Variants in ADGRB3 observed in about 807,000 individuals in gnomAD.
ADGRB3 encodes adhesion G protein-coupled receptor B3.
In ADGRB3, 37 loss-of-function variants were observed where a neutral mutation model predicts 193.4. That is an observed-to-expected ratio of 0.19 (90% CI 0.15 to 0.25). ADGRB3 has a LOEUF of 0.25. Among genes scored for constraint, ADGRB3 ranks in the 10% least tolerant of loss-of-function variants. The probability of loss-of-function intolerance (pLI) is 1.00; values close to 1 mark genes in which losing one functional copy is unlikely to be tolerated. For synonymous variants in ADGRB3, 690 were observed against 644.2 expected, an observed-to-expected ratio of 1.07 and a Z score of -1.08; for missense variants, 1,637 against 1,852.9, an observed-to-expected ratio of 0.88 and a Z score of 2.14.
At chr6:69,315,542 C>T (rs1768292599) in intron 20 of ADGRB3, among the ~76,000 whole-genome samples, 1 of 151,382 alleles carries the variant, frequency 6.6e-6, no homozygotes, top group Non-Finnish European at 1.5e-5. Context: ...TATTTTTAGT[C>T]TGCAAGAACT....
chr6:69,173,617 G>C (rs1775346379), intron 17 of ADGRB3, among the ~76,000 whole-genome samples: 2 of 151,974 alleles, frequency 1.3e-5, no homozygotes, highest in Non-Finnish European at 2.9e-5. Context: ...AAATGGAAAG[G>C]ATATTATAAT....
intron 24 of ADGRB3, among the ~76,000 whole-genome samples, chr6:69,336,341 C>CAAA (rs1768846581): frequency 6.6e-6 from 1 of 151,794 alleles, no homozygotes; most frequent in South Asian, 2.1e-4. Flanking sequence ...CTGCCTTAAA[C>CAAA]GTCTTTGTCT....
chr6:69,088,173 G>A (rs1447713445), intron 17 of ADGRB3, among the ~76,000 whole-genome samples: 2 of 151,972 alleles, frequency 1.3e-5, no homozygotes, highest in Non-Finnish European at 2.9e-5. Flanking sequence ...AATATTTACT[G>A]AATTGAAATG....
intron 20 of ADGRB3, among the ~76,000 whole-genome samples, chr6:69,324,319 C>T: frequency 6.6e-6 from 1 of 152,036 alleles, no homozygotes; most frequent in Admixed American, 6.6e-5. Flanking sequence ...TATTTTTGTA[C>T]TATGTTATTA....
Position 68,726,947 on chromosome 6 carries a change from A to T in ADGRB3, c.757+87515A>T, listed in dbSNP as rs1474486617. Reference sequence around the variant, plus strand: ...TCATTGGATAAAATCAATGTTGGAAACTAAGATCTCTTGAAGCTCCCTGAA... The same window carrying T: ...TCATTGGATAAAATCAATGTTGGAATCTAAGATCTCTTGAAGCTCCCTGAA... On this transcript the variant is annotated intron_variant, in intron 3 of 31. Transcript: ENST00000370598. Among the ~76,000 whole-genome samples, 5 of 151,632 alleles carry T rather than the reference A, an allele frequency of 3.3e-5. No individual in the cohort carries two copies. In the East Asian group the frequency reaches 7.8e-4, roughly 24 times the overall value.
intron 17 of ADGRB3, among the ~76,000 whole-genome samples, chr6:69,082,992 A>C (rs1161238337): frequency 6.6e-6 from 1 of 152,212 alleles, no homozygotes; most frequent in Non-Finnish European, 1.5e-5. Context: ...GGTTCCCTGC[A>C]TCACTCAAGT....
At chr6:69,053,687 A>C (rs1195873996) in intron 15 of ADGRB3, among the ~76,000 whole-genome samples, 2 of 152,218 alleles carry the variant, frequency 1.3e-5, no homozygotes, top group Non-Finnish European at 2.9e-5. Context: ...CCACATTCAC[A>C]TTAAGGAATT....
chr6:69,205,450 A>G (rs1765518352), intron 17 of ADGRB3, among the ~76,000 whole-genome samples: 1 of 152,060 alleles, frequency 6.6e-6, no homozygotes, highest in Non-Finnish European at 1.5e-5. Flanking sequence ...ACAAACAACA[A>G]ACAAATCAAA....
At chr6:68,688,891 CT>C (rs1230534753) in intron 3 of ADGRB3, among the ~76,000 whole-genome samples, 12 of 152,134 alleles carry the variant, frequency 7.9e-5, no homozygotes, top group African/African-American at 2.9e-4. Context: ...TTATTTAATC[CT>C]TGCATTAATG....
chr6:69,173,652 T>G (rs1353361088), intron 17 of ADGRB3, among the ~76,000 whole-genome samples: 1 of 148,974 alleles, frequency 6.7e-6, no homozygotes, highest in Non-Finnish European at 1.5e-5. Context: ...GTAGCATTGT[T>G]TTTTTTTTTT....
intron 11 of ADGRB3, among the ~76,000 whole-genome samples, chr6:68,997,995 A>G (rs1769441256): frequency 6.6e-6 from 1 of 152,198 alleles, no homozygotes; most frequent in African/African-American, 2.4e-5. Context: ...ATAGAATTGT[A>G]TGAACCCTTA....
intron 17 of ADGRB3, among the ~76,000 whole-genome samples, chr6:69,095,117 T>G (rs1429641054): frequency 6.6e-6 from 1 of 152,162 alleles, no homozygotes; most frequent in Non-Finnish European, 1.5e-5. Context: ...CCCAAGTAAT[T>G]GAATGGTCTT....
intron 17 of ADGRB3, among the ~76,000 whole-genome samples, chr6:69,191,724 G>A (rs762602740): frequency 1.6e-4 from 25 of 152,204 alleles, no homozygotes; most frequent in African/African-American, 5.8e-4. Flanking sequence ...TCTATGTGCT[G>A]AAAATACAGC....
intron 3 of ADGRB3, among the ~76,000 whole-genome samples, chr6:68,647,893 A>T (rs562507584): frequency 2.8e-4 from 43 of 152,312 alleles, no homozygotes; most frequent in African/African-American, 1.0e-3. Context: ...CTGATAAGTT[A>T]TTAGAGACCA....
At chr6:68,980,223 A>G (rs1375997061) in intron 10 of ADGRB3, among the ~76,000 whole-genome samples, 1 of 151,486 alleles carries the variant, frequency 6.6e-6, no homozygotes, top group East Asian at 1.9e-4. Flanking sequence ...TGTTGGAGTG[A>G]TTATTTAGTC....
At chr6:68,868,282 G>C (rs519237) in intron 3 of ADGRB3, among the ~76,000 whole-genome samples, 1 of 151,936 alleles carries the variant, frequency 6.6e-6, no homozygotes. Context: ...TCCCCCACTT[G>C]CTCTGTCTCT....
At chr6:68,900,768 TC>T (rs1208966996) in intron 3 of ADGRB3, among the ~76,000 whole-genome samples, 1 of 152,078 alleles carries the variant, frequency 6.6e-6, no homozygotes, top group Non-Finnish European at 1.5e-5. Flanking sequence ...GCAGCACTAG[TC>T]CCCTGGAGCA....
intron 11 of ADGRB3, among the ~76,000 whole-genome samples, chr6:69,003,516 A>C (rs1340042163): frequency 6.6e-6 from 1 of 152,110 alleles, no homozygotes; most frequent in African/African-American, 2.4e-5. Context: ...GCTCAGTAGA[A>C]AATAAGCCAG....
intron 3 of ADGRB3, among the ~76,000 whole-genome samples, chr6:68,824,208 A>G (rs1010647176): frequency 1.6e-5 from 2 of 127,206 alleles, no homozygotes; most frequent in Non-Finnish European, 1.6e-5. Flanking sequence ...TCTATTTGCC[A>G]TGTCTCTTAA....
Sources: gnomAD v4.1 joint callset for allele counts (sites outside exome capture counted in the v4.1 genomes callset) on GRCh38, gnomAD v4.1.1 for gene constraint, MANE v1.5 for transcripts, NCBI Gene and HGNC (gene_info 2026-07-23, HGNC 2026-07-21) for gene names.